The following PTPRZ1 variants were observed in gnomAD, a reference collection of about 807,000 sequenced individuals.
PTPRZ1 encodes protein tyrosine phosphatase receptor type Z1.
Under a neutral mutation model 214.1 loss-of-function variants are expected in PTPRZ1, and 82 were observed. The observed-to-expected ratio is 0.38, with a 90% CI of 0.32 to 0.46. PTPRZ1 has a LOEUF of 0.46. Among genes scored for constraint, PTPRZ1 ranks in the 20% least tolerant of loss-of-function variants. PTPRZ1 has a pLI of 1.00. For missense variants in PTPRZ1, 2,603 were observed against 2,748.7 expected (o/e 0.95, Z 1.19); for synonymous variants, 945 against 987.9 (o/e 0.96, Z 0.81).
At chr7:121,990,692 G>GT (rs1380193538) in intron 8 of PTPRZ1, among the ~76,000 whole-genome samples, 2 of 151,736 alleles carry the variant, frequency 1.3e-5, no homozygotes, top group African/African-American at 2.4e-5. Context: ...ACTAATTTTT[G>GT]TATTTTTAGC....
intron 8 of PTPRZ1, among the ~76,000 whole-genome samples, chr7:121,994,231 T>G (rs937201783): frequency 7.2e-5 from 11 of 151,988 alleles, no homozygotes; most frequent in Admixed American, 4.6e-4. Context: ...AATGAATCCT[T>G]TATTTTTTTC....
At chr7:121,956,176 G>A (rs1180448679) in intron 2 of PTPRZ1, among the ~76,000 whole-genome samples, 1 of 151,706 alleles carries the variant, frequency 6.6e-6, no homozygotes, top group Non-Finnish European at 1.5e-5. Context: ...TGTCCATCAG[G>A]AATATTGACT....
At chr7:122,055,407 G>A (rs1344976306) in intron 27 of PTPRZ1, among the ~76,000 whole-genome samples, 1 of 151,876 alleles carries the variant, frequency 6.6e-6, no homozygotes, top group African/African-American at 2.4e-5. Context: ...TAATTCTCAT[G>A]TTTTAATGTA....
At position 122,031,503 on chromosome 7, in the gene PTPRZ1, T is replaced by G; in HGVS notation, c.5110T>G (p.Phe1704Val). The G allele has an allele frequency of 6.2e-7, 1 of 1,611,526 alleles. No individual in the cohort carries two copies. Among genetic ancestry groups the G allele is most frequent in the East Asian group, 2.2e-5 (1 of 44,692 alleles). The stretch of plus-strand genomic sequence containing the variant: ...TGTCGGAGCAATTCCAATAAAGCAC[T>G]TTCCAAAGCATGTTGCAGATTTACA... ...DDVGAIPIKH[F>V]PKHVADLHAS... Residue 1704 changes from phenylalanine to valine, a missense_variant, in exon 15 of 30, where the codon TTT (phenylalanine) becomes GTT (valine). Phe to Val is a conservative substitution (Grantham distance 50). This residue lies in a region of PTPRZ1 where 1,913 missense variants were observed against 1,914.3 expected (regional missense o/e 1.00). Transcript: ENST00000393386.
At chr7:121,917,238 T>C (rs554781386) in intron 1 of PTPRZ1, among the ~76,000 whole-genome samples, 7 of 152,302 alleles carry the variant, frequency 4.6e-5, no homozygotes, top group African/African-American at 1.7e-4. Context: ...ATGAGCAAAA[T>C]CAGTGATGAA....
At chr7:122,018,502 C>A (rs1482781785) in intron 12 of PTPRZ1, among the ~76,000 whole-genome samples, 3 of 151,226 alleles carry the variant, frequency 2.0e-5, no homozygotes, top group Non-Finnish European at 4.4e-5. Flanking sequence ...CTCCAATTCA[C>A]CTGAAATTGC....
intron 13 of PTPRZ1, 54 bp from the exon 14 acceptor site, chr7:122,028,498 T>C (rs1030270328): frequency 1.5e-6 from 2 of 1,337,292 alleles, no homozygotes; most frequent in African/African-American, 1.5e-5. Context: ...AGCTCAGAAA[T>C]TGTCTTATTT....
At chr7:122,000,872 G>C (rs1222590808) in intron 10 of PTPRZ1, among the ~76,000 whole-genome samples, 3 of 151,188 alleles carry the variant, frequency 2.0e-5, no homozygotes, top group African/African-American at 7.3e-5. Context: ...TTTTAGTAGA[G>C]ACGGGGTTTC....
rs370601023 is a variant in PTPRZ1, at chr7:122,013,877, G to A, written c.4831G>A (p.Val1611Ile). The change falls in exon 12 of 30, where the codon GTT becomes ATT. Residue 1611 changes from valine (V) to isoleucine (I), a missense_variant. By Grantham distance (29) the Val-to-Ile change is conservative. Coordinates refer to ENST00000393386, the MANE Select transcript of PTPRZ1 (RefSeq NM_002851.3). ...VTSENSEVFH[V>I]SEAEASNSSH... ...TAGCGAGAACTCAGAAGTGTTCCAC[G>A]TTTCAGAGGCAGGTTAGTTACGGAT... 7.6e-5 allele frequency: 122 copies of A among 1,605,634 alleles called. No homozygotes were observed. Among genetic ancestry groups the A allele is most frequent in the South Asian group, 2.1e-4 (19 of 89,786 alleles).
chr7:121,946,990 T>C (rs1796399469), intron 2 of PTPRZ1, among the ~76,000 whole-genome samples: 1 of 152,154 alleles, frequency 6.6e-6, no homozygotes, highest in Non-Finnish European at 1.5e-5. Context: ...AAAGGCAACA[T>C]GTGTTACTGA....
At chr7:121,878,857 G>A (rs1794144003) in intron 1 of PTPRZ1, among the ~76,000 whole-genome samples, 2 of 151,878 alleles carry the variant, frequency 1.3e-5, no homozygotes, top group South Asian at 2.1e-4. Context: ...TAATGTATAA[G>A]GTTATAGAAA....
chr7:122,010,744 A>C lies in PTPRZ1; in HGVS notation c.1698A>C (p.Thr566=), dbSNP rs373400933. Residue 566 remains threonine (T), a synonymous_variant, in exon 12 of 30, where the codon ACA becomes ACC. Transcript: ENST00000393386. ...TAESLNTVSI[T]EYEEESLLTS... Reference sequence around the variant, plus strand: ...AATCCTTAAATACAGTTTCTATAACAGAATATGAGGAGGAGAGTTTATTGA... The same window carrying C: ...AATCCTTAAATACAGTTTCTATAACCGAATATGAGGAGGAGAGTTTATTGA... 6.8e-6 allele frequency: 11 copies of C among 1,614,054 alleles called. No individual in the cohort carries two copies. Among genetic ancestry groups the C allele is most frequent in the Admixed American group, 5.0e-5 (3 of 60,016 alleles).
intron 1 of PTPRZ1, among the ~76,000 whole-genome samples, chr7:121,912,720 T>G (rs1192899438): frequency 6.6e-6 from 1 of 152,146 alleles, no homozygotes; most frequent in African/African-American, 2.4e-5. Flanking sequence ...TGGTGGCATC[T>G]GTCTCTATGA....
intron 1 of PTPRZ1, among the ~76,000 whole-genome samples, chr7:121,892,411 TG>T (rs1051389200): frequency 6.6e-6 from 1 of 151,418 alleles, no homozygotes; most frequent in African/African-American, 2.4e-5. Context: ...CAAGAGGAGG[TG>T]GGGTGGTGGG....
chr7:121,917,935 T>C (rs923204418), intron 1 of PTPRZ1, among the ~76,000 whole-genome samples: 3 of 152,154 alleles, frequency 2.0e-5, no homozygotes, highest in African/African-American at 7.2e-5. Flanking sequence ...TTATAAAAGA[T>C]ACTGGCAAAT....
At chr7:121,908,738 T>A (rs749167686) in intron 1 of PTPRZ1, 1 of 491,810 alleles carries the variant, frequency 2.0e-6, no homozygotes, top group South Asian at 1.5e-5. Context: ...TAAGTACATT[T>A]CAGGCTAGAA....
chr7:121,961,833 G>C (rs1195234291), intron 2 of PTPRZ1, among the ~76,000 whole-genome samples: 1 of 152,184 alleles, frequency 6.6e-6, no homozygotes, highest in African/African-American at 2.4e-5. Flanking sequence ...GAAATTTATA[G>C]GAGTGTTACT....
rs749684461 is a variant in PTPRZ1, at chr7:122,011,611, C to T, written c.2565C>T (p.Pro855=). Residue 855 remains proline (P), a synonymous_variant, in exon 12 of 30, where the codon CCC becomes CCT. Coordinates refer to ENST00000393386, the MANE Select transcript of PTPRZ1 (RefSeq NM_002851.3). ...CAGCTACCGAGAGTGATAAGGTGCC[C>T]TTGCATGCTTCTCTGCCAGTGGCTG... ...VTSATESDKV[P]LHASLPVAGG... 1.9e-6 allele frequency: 3 copies of T among 1,614,072 alleles called. No homozygotes were observed. Among genetic ancestry groups the T allele is most frequent in the South Asian group, 2.2e-5 (2 of 91,062 alleles).
At chr7:121,983,630 AGATT>A in intron 6 of PTPRZ1, 31 bp from the exon 7 acceptor site, 1 of 1,565,236 alleles carries the variant, frequency 6.4e-7, no homozygotes, top group Non-Finnish European at 8.7e-7. Flanking sequence ...TCCAGTGTTG[AGATT>A]CCAGCTGAGA....
Sources: allele counts gnomAD v4.1 joint callset (sites outside exome capture counted in the v4.1 genomes callset), GRCh38; gene constraint gnomAD v4.1.1; regional missense constraint gnomAD v4.1.1; transcripts MANE v1.5; gene names NCBI Gene and HGNC (gene_info 2026-07-23, HGNC 2026-07-21).